The following ZNF682 variants were observed in gnomAD, a reference collection of about 807,000 sequenced individuals.
ZNF682 encodes zinc finger protein 682.
In ZNF682, 29 loss-of-function variants were observed where a neutral mutation model predicts 36.5. The observed-to-expected ratio is 0.80, with a 90% CI of 0.59 to 1.08. ZNF682 has a LOEUF of 1.08. Ranked by LOEUF, ZNF682 falls within the 50% of genes least tolerant of loss-of-function variation. The probability of loss-of-function intolerance (pLI) is 0.00; values close to 1 mark genes in which losing one functional copy is unlikely to be tolerated. For missense variants in ZNF682, 561 were observed against 579.7 expected, an observed-to-expected ratio of 0.97 and a Z score of 0.33; for synonymous variants, 180 against 197.0, an observed-to-expected ratio of 0.91 and a Z score of 0.72.
intron 3 of ZNF682, among the ~76,000 whole-genome samples, chr19:19,998,016 T>A (rs985372799): frequency 1.9e-4 from 29 of 151,842 alleles, no homozygotes; most frequent in Non-Finnish European, 1.0e-4. Flanking sequence ...AATTTGAGAT[T>A]CCCCCATGCA....
chr19:20,000,561 A>G (rs988872221), downstream of ZNF682, among the ~76,000 whole-genome samples: 2 of 152,186 alleles, frequency 1.3e-5, no homozygotes, highest in Non-Finnish European at 2.9e-5. Context: ...GGACAGAACC[A>G]GGTTGTCAAA....
Position 20,023,006 on chromosome 19 carries a change from G to A in ZNF682, c.224C>T (p.Pro75Leu), listed in dbSNP as rs1480933629. The A allele has an allele frequency of 6.2e-7, 1 of 1,612,460 alleles. No homozygotes were observed. The highest frequency in any genetic ancestry group is 8.5e-7 in the Non-Finnish European group (1 of 1,179,020). Residue 75 changes from proline to leucine, a missense_variant and splice_region_variant, in exon 3 of 4, where the codon CCA (proline) becomes CTA (leucine). Transcript: ENST00000397165. Reference protein sequence around the residue: ...VKRHETIAKPPAMSSHYTEDL... With the variant: ...VKRHETIAKPLAMSSHYTEDL... ...TGTGTTTCATTCATCCAACCTACCT[G>A]GGGGTTTGGCTATGGTCTCATGTCT...
intron 1 of ZNF682, among the ~76,000 whole-genome samples, chr19:20,038,991 A>G (rs755832309): frequency 6.6e-6 from 1 of 152,218 alleles, no homozygotes; most frequent in Non-Finnish European, 1.5e-5. Flanking sequence ...GACCCCCGGG[A>G]TCACAGCACT....
chr19:20,033,670 A>C (rs1417294413), intron 1 of ZNF682: 1 of 152,540 alleles, frequency 6.6e-6, no homozygotes, highest in Non-Finnish European at 1.5e-5. Flanking sequence ...CTCCTCCCTC[A>C]GCCTCTCGAG....
rs910551372 is a variant in ZNF682, at chr19:20,006,530, G to C, written c.972C>G (p.His324Gln). Reference sequence around the variant, plus strand: ...TCTCATGTATAGTAAGTAGTGAGCAGTGGTTAAAGGCTTTCCCACATTCTT... The same window carrying C: ...TCTCATGTATAGTAAGTAGTGAGCACTGGTTAAAGGCTTTCCCACATTCTT... ...KCKECGKAFN[H>Q]CSLLTIHERT... The change falls in exon 4 of 4, where the codon CAC (histidine) becomes CAG (glutamine). Residue 324 changes from histidine to glutamine, a missense_variant. Coordinates refer to ENST00000397165, the MANE Select transcript of ZNF682 (RefSeq NM_033196.3). The C allele has an allele frequency of 6.2e-7, 1 of 1,613,944 alleles. No individual in the cohort carries two copies. Among genetic ancestry groups the C allele is most frequent in the East Asian group, 2.2e-5 (1 of 44,840 alleles).
downstream of ZNF682, among the ~76,000 whole-genome samples, chr19:19,995,237 C>A (rs1599596511): frequency 6.6e-6 from 1 of 152,204 alleles, no homozygotes; most frequent in South Asian, 2.1e-4. Flanking sequence ...ACATAATAAG[C>A]AAATTGCAAT....
In ZNF682 at chr19:20,005,709, A is replaced by G. The variant is rs140649315; in HGVS notation, c.*296T>C. 514 of 345,298 alleles carry G rather than the reference A, an allele frequency of 1.5e-3. 3 individuals are homozygous for G. Among genetic ancestry groups the G allele is most frequent in the African/African-American group, 1.0e-2 (478 of 47,984 alleles). 21.4% of individuals were successfully genotyped at this position (345,298 alleles called of 1,614,324 possible). ...TTTGGTGACATCTTTCCACAGATAA[A>G]TGTAATGTGTATCATTACACTTACA... On this transcript the variant is annotated 3_prime_UTR_variant, in exon 4 of 4. Transcript: ENST00000397165.
At chr19:20,024,428 G>A in intron 1 of ZNF682, 52 bp from the exon 2 acceptor site, 2 of 1,553,246 alleles carry the variant, frequency 1.3e-6, no homozygotes, top group Non-Finnish European at 8.7e-7. Context: ...CAGAGTTCTT[G>A]ACTCCATGTG....
At chr19:19,995,704 G>T (rs1445273151), downstream of ZNF682, among the ~76,000 whole-genome samples, 5 of 151,480 alleles carry the variant, frequency 3.3e-5, no homozygotes, top group Non-Finnish European at 5.9e-5. Context: ...CACCAGAGTG[G>T]GCAGTAACAG....
intron 3 of ZNF682, among the ~76,000 whole-genome samples, chr19:20,018,125 G>A (rs1244126197): frequency 2.8e-5 from 3 of 105,712 alleles, no homozygotes; most frequent in Non-Finnish European, 5.1e-5. Context: ...ACGGAGTCTC[G>A]CTCTGTCGCC....
intron 3 of ZNF682, among the ~76,000 whole-genome samples, chr19:20,009,390 A>C (rs1318490793): frequency 1.3e-5 from 2 of 152,220 alleles, no homozygotes; most frequent in Non-Finnish European, 2.9e-5. Context: ...AAAGGGGTCA[A>C]ACTTATGACT....
chr19:20,029,412 C>A (rs1478120038), intron 1 of ZNF682, among the ~76,000 whole-genome samples: 2 of 151,220 alleles, frequency 1.3e-5, no homozygotes, highest in East Asian at 3.9e-4. Flanking sequence ...ACCAGCCTGG[C>A]CAACATCGTG....
At chr19:20,039,114 G>A in intron 1 of ZNF682, 1 of 1,386,396 alleles carries the variant, frequency 7.2e-7, no homozygotes, top group Non-Finnish European at 9.4e-7. Context: ...GGTGGGCTCC[G>A]GGCGGGAAGC....
At chr19:19,998,188 A>G (rs932184065) in intron 3 of ZNF682, among the ~76,000 whole-genome samples, 2 of 152,218 alleles carry the variant, frequency 1.3e-5, no homozygotes, top group Non-Finnish European at 2.9e-5. Context: ...GTGAAAGAAA[A>G]GAGCAACTGC....
intron 1 of ZNF682, among the ~76,000 whole-genome samples, chr19:20,030,187 A>G (rs1459633522): frequency 6.6e-6 from 1 of 152,224 alleles, no homozygotes; most frequent in East Asian, 1.9e-4. Flanking sequence ...ATACAGTAAC[A>G]AGGAATTTAA....
At chr19:20,030,842 T>TC (rs1410041539) in intron 1 of ZNF682, 2 of 152,214 alleles carry the variant, frequency 1.3e-5, no homozygotes, top group Non-Finnish European at 2.9e-5. Flanking sequence ...TCTCCAGCTC[T>TC]CCTTTTTTTT....
exon 4 of ZNF682, chr19:19,997,161 G>A (rs1047896575): frequency 1.5e-5 from 6 of 398,564 alleles, no homozygotes; most frequent in Non-Finnish European, 2.7e-5. Flanking sequence ...AGAATGAGCA[G>A]GAGGATCCTC....
At chr19:20,036,984 CA>C (rs1479024532) in intron 1 of ZNF682, among the ~76,000 whole-genome samples, 2 of 151,812 alleles carry the variant, frequency 1.3e-5, no homozygotes, top group African/African-American at 2.4e-5. Context: ...GACTCTGTCT[CA>C]AAAAAATCAA....
chr19:20,023,104 T>C lies in ZNF682; in HGVS notation c.131-5A>G, dbSNP rs1414997548. ...CTGGCTTAGAAACAGTAAGACCTGTTTTATTAGAAAAAAGTAATGTGATTC... is the reference window on the plus strand; with the variant it reads ...CTGGCTTAGAAACAGTAAGACCTGTCTTATTAGAAAAAAGTAATGTGATTC... On this transcript the variant is annotated splice_region_variant and splice_polypyrimidine_tract_variant and intron_variant, in intron 2 of 3. Transcript: ENST00000397165. 6.2e-7 allele frequency: 1 copy of C among 1,613,098 alleles called. No individual in the cohort carries two copies. Among genetic ancestry groups the C allele is most frequent in the South Asian group, 1.1e-5 (1 of 90,942 alleles).
Sources: allele counts gnomAD v4.1 joint callset (sites outside exome capture counted in the v4.1 genomes callset), GRCh38; gene constraint gnomAD v4.1.1; transcripts MANE v1.5; gene names NCBI Gene and HGNC (gene_info 2026-07-23, HGNC 2026-07-21).